Variants in ATP11A observed in about 807,000 individuals in gnomAD.
The protein encoded by ATP11A is ATPase phospholipid transporting 11A.
ATP11A carries 81 observed loss-of-function variants against 154.4 expected under a neutral mutation model. The ratio of observed to expected loss-of-function variants is 0.52; its 90% CI spans 0.44 to 0.63. ATP11A has a LOEUF of 0.63. Ranked by LOEUF, ATP11A falls within the 30% of genes least tolerant of loss-of-function variation. The probability of loss-of-function intolerance (pLI) is 0.00; values close to 1 mark genes in which losing one functional copy is unlikely to be tolerated. For synonymous variants in ATP11A, 623 were observed against 585.9 expected (o/e 1.06, Z -0.91); for missense variants, 1,316 against 1,474.3 (o/e 0.89, Z 1.76).
chr13:112,724,048 C>T (rs1238675736), intron 1 of ATP11A, among the ~76,000 whole-genome samples: 2 of 151,844 alleles, frequency 1.3e-5, no homozygotes, highest in Non-Finnish European at 2.9e-5. Context: ...CATCCCTGCC[C>T]ACACCTCTCA....
chr13:112,715,338 CG>C (rs1888295918), intron 1 of ATP11A, among the ~76,000 whole-genome samples: 4 of 150,692 alleles, frequency 2.7e-5, no homozygotes, highest in African/African-American at 4.9e-5. Context: ...GGCCCATCCC[CG>C]GTACCTGGCC....
At chr13:112,847,746 G>A (rs2079648545) in intron 17 of ATP11A, among the ~76,000 whole-genome samples, 1 of 152,194 alleles carries the variant, frequency 6.6e-6, no homozygotes, top group Non-Finnish European at 1.5e-5. Context: ...TGAACCTCTT[G>A]AGATTTAATA....
At chr13:112,779,789 C>T (rs1303665580) in intron 1 of ATP11A, among the ~76,000 whole-genome samples, 1 of 152,126 alleles carries the variant, frequency 6.6e-6, no homozygotes, top group Non-Finnish European at 1.5e-5. Context: ...CCTGTAATCC[C>T]ACCTACTAGG....
At chr13:112,731,247 G>A (rs866284493) in intron 1 of ATP11A, among the ~76,000 whole-genome samples, 23 of 152,180 alleles carry the variant, frequency 1.5e-4, no homozygotes, top group African/African-American at 5.3e-4. Context: ...GGGATTACAG[G>A]CATGAGCTAC....
At chr13:112,822,041 A>G (rs571018609) in intron 8 of ATP11A, among the ~76,000 whole-genome samples, 2 of 152,340 alleles carry the variant, frequency 1.3e-5, no homozygotes, top group African/African-American at 4.8e-5. Context: ...TCTGAGGTCT[A>G]TCGACCAAAT....
At chr13:112,772,287 A>C (rs1005102804) in intron 1 of ATP11A, among the ~76,000 whole-genome samples, 3 of 152,204 alleles carry the variant, frequency 2.0e-5, no homozygotes, top group African/African-American at 7.2e-5. Flanking sequence ...GTTTGTGCAG[A>C]AGATGGGCAG....
chr13:112,881,641 T>C, intron 29 of ATP11A: 1 of 1,194,316 alleles, frequency 8.4e-7, no homozygotes, highest in Non-Finnish European at 1.1e-6. Flanking sequence ...ATATGGCTTC[T>C]CTGGTGGGGT....
At chr13:112,760,431 A>C (rs755081568) in intron 1 of ATP11A, among the ~76,000 whole-genome samples, 1 of 152,204 alleles carries the variant, frequency 6.6e-6, no homozygotes, top group Non-Finnish European at 1.5e-5. Context: ...GTTCCTGGTG[A>C]TTTCAGTAAA....
At chr13:112,796,061 G>A (rs1465063055) in intron 2 of ATP11A, among the ~76,000 whole-genome samples, 1 of 152,202 alleles carries the variant, frequency 6.6e-6, no homozygotes, top group Non-Finnish European at 1.5e-5. Flanking sequence ...TGTGGTTTTT[G>A]TAAAGGAAGA....
chr13:112,758,198 A>C (rs1340648952), intron 1 of ATP11A, among the ~76,000 whole-genome samples: 2 of 152,008 alleles, frequency 1.3e-5, no homozygotes, highest in African/African-American at 4.8e-5. Context: ...ACTAGCTGGG[A>C]TTACAGGCAC....
intron 6 of ATP11A, among the ~76,000 whole-genome samples, chr13:112,818,265 G>T (rs917905787): frequency 3.4e-5 from 5 of 149,232 alleles, no homozygotes; most frequent in African/African-American, 1.2e-4. Flanking sequence ...GTGACGGGGC[G>T]ATGACCGTTG....
chr13:112,822,215 C>T (rs2078815409), intron 8 of ATP11A, among the ~76,000 whole-genome samples: 4 of 152,200 alleles, frequency 2.6e-5, no homozygotes, highest in Admixed American at 1.3e-4. Context: ...AAAATTTATA[C>T]ATTTGAATCT....
chr13:112,782,454 T>C (rs1594671664), intron 1 of ATP11A, among the ~76,000 whole-genome samples: 1 of 152,274 alleles, frequency 6.6e-6, no homozygotes, highest in Non-Finnish European at 1.5e-5. Flanking sequence ...GGTTCACTTA[T>C]ATTCTTATTC....
chr13:112,870,829 C>CG (rs749956305), intron 25 of ATP11A, among the ~76,000 whole-genome samples: 4 of 152,198 alleles, frequency 2.6e-5, no homozygotes, highest in African/African-American at 9.6e-5. Flanking sequence ...TTCCCCAAGG[C>CG]GGGGGGTGGT....
chr13:112,861,701 T>C (rs1408421900), intron 24 of ATP11A, among the ~76,000 whole-genome samples: 2 of 152,240 alleles, frequency 1.3e-5, no homozygotes, highest in East Asian at 3.8e-4. Context: ...AAGTAATCAC[T>C]GTAGGTGATT....
intron 15 of ATP11A, among the ~76,000 whole-genome samples, chr13:112,835,518 G>T (rs1243247820): frequency 6.6e-6 from 1 of 152,214 alleles, no homozygotes; most frequent in Non-Finnish European, 1.5e-5. Flanking sequence ...GAGGCTCCGG[G>T]TTTGCAGCCG....
In ATP11A at chr13:112,881,223, G is replaced by T. The variant is rs540578060; in HGVS notation, c.*10-653G>T. The T allele has an allele frequency of 5.0e-4, 494 of 988,910 alleles. 1 individual carries two copies. Among genetic ancestry groups the T allele is most frequent in the Middle Eastern group, 2.1e-3 (4 of 1,926 alleles). 61.3% of individuals were successfully genotyped at this position (988,910 alleles called of 1,614,324 possible). On this transcript the variant is annotated intron_variant, in intron 29 of 29. Coordinates refer to ENST00000375645, the MANE Select transcript of ATP11A (RefSeq NM_015205.3). ...AGATGCGTGCTGCCGGCCTCCTGCCGCTCCCCTTGCTGGTCAGACCCACAG... is the reference window on the plus strand; with the variant it reads ...AGATGCGTGCTGCCGGCCTCCTGCCTCTCCCCTTGCTGGTCAGACCCACAG...
rs2079301831 is a variant in ATP11A at position 112,838,464 on chromosome 13, G to T, written c.1705+2213G>T. ...CCCGTGACCTGCGGGGCTGACCACG[G>T]TGCCCAAGAAGGCAAGCATCAGCCA... is the stretch of plus-strand genomic sequence containing the variant. On this transcript the variant is annotated intron_variant, in intron 16 of 29. Coordinates refer to ENST00000375645, the MANE Select transcript of ATP11A (RefSeq NM_015205.3). This position sits in a 1 kb window ranked among gnomAD's most constrained non-coding sequence, Gnocchi z 7.3. 6.6e-6 allele frequency among the ~76,000 whole-genome samples: 1 copy of T among 152,202 alleles called. No homozygotes were observed. Among genetic ancestry groups the T allele is most frequent in the Non-Finnish European group, 1.5e-5 (1 of 68,032 alleles).
At chr13:112,744,894 C>A (rs138486388) in intron 1 of ATP11A, among the ~76,000 whole-genome samples, 247 of 152,310 alleles carry the variant, frequency 1.6e-3, no homozygotes, top group African/African-American at 5.7e-3. Flanking sequence ...ACAGGGATGT[C>A]CCTTTCAAAC....
Sources: gnomAD v4.1 joint callset for allele counts (sites outside exome capture counted in the v4.1 genomes callset) on GRCh38, gnomAD v4.1.1 for gene constraint, Gnocchi (gnomAD v3.1) non-coding constraint, MANE v1.5 for transcripts, NCBI Gene and HGNC (gene_info 2026-07-23, HGNC 2026-07-21) for gene names.